The following DCC variants were observed in gnomAD, a reference collection of about 807,000 sequenced individuals.
DCC encodes DCC netrin 1 receptor, also known as netrin receptor DCC.
Under a neutral mutation model 172.5 loss-of-function variants are expected in DCC, and 58 were observed. The observed-to-expected ratio is 0.34, with a 90% confidence interval of 0.27 to 0.42. The LOEUF (loss-of-function observed/expected upper bound fraction) is 0.42. DCC is among the 10% of genes least tolerant of loss of function. The pLI is 1.00. For missense variants in DCC, 1,740 were observed against 1,791.0 expected (o/e 0.97, Z 0.51); for synonymous variants, 709 against 644.5 (o/e 1.10, Z -1.52).
intron 7 of DCC, among the ~76,000 whole-genome samples, chr18:53,090,563 G>A (rs1379941051): frequency 4.0e-5 from 6 of 150,614 alleles, no homozygotes; most frequent in East Asian, 2.0e-4. Flanking sequence ...GTGTGGTGGC[G>A]GGCACCTGTG....
intron 15 of DCC, among the ~76,000 whole-genome samples, chr18:53,375,615 T>TC (rs35313203): frequency 0.34 from 30,089 of 89,630 alleles, 3,854 homozygotes; most frequent in African/African-American, 0.41. Context: ...TATATTTAAT[T>TC]CTTTTTTTTT....
At position 52,927,533 on chromosome 18, in the gene DCC, T is replaced by C. The variant is rs1313914266; in HGVS notation, c.985+2163T>C. Among the ~76,000 whole-genome samples the C allele has an allele frequency of 2.0e-5, 3 of 152,164 alleles. No individual in the cohort carries two copies. In the East Asian group the frequency reaches 5.8e-4, roughly 30 times the overall value. Reference sequence around the variant, plus strand: ...ATGCCCACATAAAGTTTGGTAGTGGTATGACACTTGGATGCTTCTTTGATT... The same window carrying C: ...ATGCCCACATAAAGTTTGGTAGTGGCATGACACTTGGATGCTTCTTTGATT... On this transcript the variant is annotated intron_variant, in intron 5 of 28. Coordinates refer to ENST00000442544, the MANE Select transcript of DCC (RefSeq NM_005215.4).
intron 14 of DCC, among the ~76,000 whole-genome samples, chr18:53,333,718 G>C (rs1324762704): frequency 1.3e-5 from 2 of 152,122 alleles, no homozygotes; most frequent in African/African-American, 4.8e-5. Context: ...GAACACCTTG[G>C]GGGGTTTTGA....
At chr18:52,463,335 C>T (rs1481928446) in intron 1 of DCC, among the ~76,000 whole-genome samples, 55 of 152,034 alleles carry the variant, frequency 3.6e-4, no homozygotes, top group Non-Finnish European at 1.2e-4. Flanking sequence ...CTGGCCACCT[C>T]TCTGGAGTGG....
At chr18:52,387,869 A>C (rs1487787640) in intron 1 of DCC, among the ~76,000 whole-genome samples, 1 of 152,068 alleles carries the variant, frequency 6.6e-6, no homozygotes, top group East Asian at 1.9e-4. Flanking sequence ...ATACACATTT[A>C]TAAAAGTTTA....
At chr18:52,978,773 T>C (rs1397314391) in intron 5 of DCC, among the ~76,000 whole-genome samples, 1 of 152,206 alleles carries the variant, frequency 6.6e-6, no homozygotes, top group African/African-American at 2.4e-5. Flanking sequence ...CTGTATGCCT[T>C]TGCATACCCA....
chr18:52,592,110 C>A (rs997008330), intron 1 of DCC, among the ~76,000 whole-genome samples: 8 of 151,968 alleles, frequency 5.3e-5, no homozygotes, highest in African/African-American at 1.9e-4. Context: ...TCTGTTTTTA[C>A]TTTTGCCATT....
intron 23 of DCC, 53 bp downstream of exon 23, chr18:53,450,715 T>C: frequency 7.1e-7 from 1 of 1,404,312 alleles, no homozygotes; most frequent in Admixed American, 1.7e-5. Flanking sequence ...TTTGGGGTTA[T>C]ATTTTTGATG....
chr18:53,511,935 C>G (rs1185015381), intron 27 of DCC, among the ~76,000 whole-genome samples: 3 of 152,226 alleles, frequency 2.0e-5, no homozygotes, highest in Non-Finnish European at 4.4e-5. Context: ...ACAAAGCAAC[C>G]AGGAAGCTCG....
chr18:53,070,336 C>A (rs1216144569), intron 7 of DCC, among the ~76,000 whole-genome samples: 1 of 152,086 alleles, frequency 6.6e-6, no homozygotes, highest in Admixed American at 6.5e-5. Flanking sequence ...ACCCCAGGGC[C>A]AGAGGATGGA....
At chr18:52,601,885 A>AT (rs2034024976) in intron 1 of DCC, among the ~76,000 whole-genome samples, 1 of 151,926 alleles carries the variant, frequency 6.6e-6, no homozygotes, top group Non-Finnish European at 1.5e-5. Context: ...CACTGGGCAC[A>AT]TTTTTCTGTA....
intron 7 of DCC, among the ~76,000 whole-genome samples, chr18:53,153,936 T>C (rs2054685389): frequency 6.6e-6 from 1 of 152,194 alleles, no homozygotes; most frequent in Non-Finnish European, 1.5e-5. Context: ...CTTCTGTGCT[T>C]AGACAAGGAG....
chr18:53,080,014 G>C (rs368695949), intron 7 of DCC, among the ~76,000 whole-genome samples: 1 of 152,140 alleles, frequency 6.6e-6, no homozygotes, highest in South Asian at 2.1e-4. Context: ...TTCTATTTCT[G>C]TTTTTTAAAG....
intron 2 of DCC, among the ~76,000 whole-genome samples, chr18:52,834,892 A>C (rs2038678229): frequency 6.8e-6 from 1 of 146,956 alleles, no homozygotes; most frequent in Admixed American, 6.9e-5. Flanking sequence ...ATATGTGTTT[A>C]TGTGTGTGCA....
rs1281203330 is a variant in DCC, at chr18:52,811,998, C to T, written c.412+59624C>T. Among the ~76,000 whole-genome samples, 3 of 152,208 alleles carry T rather than the reference C, an allele frequency of 2.0e-5. No homozygotes were observed. In the East Asian group the frequency reaches 5.8e-4, roughly 29 times the overall value. On this transcript the variant is annotated intron_variant, in intron 2 of 28. Transcript: ENST00000442544. ...TCAAAAGGCAACTTTTAAGAATTTGCTGTTTTTAATTTGGATTAGGATTGA... is the reference window on the plus strand; with the variant it reads ...TCAAAAGGCAACTTTTAAGAATTTGTTGTTTTTAATTTGGATTAGGATTGA...
intron 2 of DCC, among the ~76,000 whole-genome samples, chr18:52,864,905 G>T (rs1331109377): frequency 6.6e-6 from 1 of 151,594 alleles, no homozygotes; most frequent in Admixed American, 6.6e-5. Flanking sequence ...TCACTCTGTG[G>T]CCCAGCCTGG....
chr18:52,594,223 A>G (rs1476632585), intron 1 of DCC, among the ~76,000 whole-genome samples: 1 of 152,240 alleles, frequency 6.6e-6, no homozygotes, highest in African/African-American at 2.4e-5. Context: ...TAGATTAAGA[A>G]CTGATCCACA....
intron 5 of DCC, among the ~76,000 whole-genome samples, chr18:52,991,761 A>T (rs904437513): frequency 4.6e-5 from 7 of 152,204 alleles, no homozygotes; most frequent in Admixed American, 4.6e-4. Context: ...AATGCTATTC[A>T]GTCTAACATC....
In DCC at chr18:53,409,529, G is replaced by A. The variant is rs76961454; in HGVS notation, c.2936-923G>A. ...TGACACCTATCATGAGCGCCTTTAC[G>A]GTGTTATCTGGCAATATAATATAAA... On this transcript the variant is annotated intron_variant, in intron 19 of 28. Transcript: ENST00000442544. 1.4e-3 allele frequency among the ~76,000 whole-genome samples: 209 copies of A among 152,176 alleles called. 1 individual carries two copies. Among genetic ancestry groups the A allele is most frequent in the Middle Eastern group, 0.01 (3 of 294 alleles).
Sources: allele counts gnomAD v4.1 joint callset (sites outside exome capture counted in the v4.1 genomes callset), GRCh38; gene constraint gnomAD v4.1.1; transcripts MANE v1.5; gene names NCBI Gene and HGNC (gene_info 2026-07-23, HGNC 2026-07-21).